Variants in SLC24A2 observed in about 807,000 individuals in gnomAD.
SLC24A2 encodes sodium/potassium/calcium exchanger 2.
A neutral mutation model predicts 62.0 loss-of-function variants in SLC24A2; 36 were observed. That is an observed-to-expected ratio of 0.58 (90% CI 0.44 to 0.77). The LOEUF is 0.77. Among genes scored for constraint, SLC24A2 ranks in the 30% least tolerant of loss-of-function variants. The pLI, the probability that SLC24A2 is intolerant of heterozygous loss-of-function variation, is 0.00. For synonymous variants in SLC24A2, 358 were observed against 294.0 expected (o/e 1.22, Z -2.23); for missense variants, 846 against 817.9 (o/e 1.03, Z -0.42).
chr9:19,963,479 G>T, the SLC24A2 span, among the ~76,000 whole-genome samples: 1 of 150,400 alleles, frequency 6.6e-6, no homozygotes, highest in Admixed American at 6.6e-5. Context: ...TCTGACAAAG[G>T]GCTAATATCC....
chr9:19,585,857 T>C (rs1836356366), intron 5 of SLC24A2, among the ~76,000 whole-genome samples: 1 of 152,200 alleles, frequency 6.6e-6, no homozygotes, highest in Non-Finnish European at 1.5e-5. Flanking sequence ...TCTTTAATAA[T>C]GTTCTATAAG....
the SLC24A2 span, among the ~76,000 whole-genome samples, chr9:20,091,681 G>A: frequency 4.6e-5 from 7 of 152,066 alleles, no homozygotes; most frequent in Non-Finnish European, 7.4e-5. Flanking sequence ...GTTACCACCC[G>A]GCCTGCCTTA....
the SLC24A2 span, among the ~76,000 whole-genome samples, chr9:20,082,728 T>C: frequency 3.3e-5 from 5 of 152,164 alleles, no homozygotes; most frequent in African/African-American, 1.2e-4. Context: ...TTCCCCATGG[T>C]GGGGGAGCAA....
chr9:19,788,243 T>C (rs1042096477), intron 1 of SLC24A2, among the ~76,000 whole-genome samples: 1 of 152,216 alleles, frequency 6.6e-6, no homozygotes, highest in East Asian at 1.9e-4. Context: ...GATTCCCAGG[T>C]GGCTGCGAAC....
At chr9:19,756,308 T>TA (rs1305624478) in intron 2 of SLC24A2, among the ~76,000 whole-genome samples, 4 of 152,240 alleles carry the variant, frequency 2.6e-5, no homozygotes, top group South Asian at 4.1e-4. Flanking sequence ...AGAGGAGTTT[T>TA]AAAAAAACTA....
the SLC24A2 span, among the ~76,000 whole-genome samples, chr9:20,166,554 G>T: frequency 6.6e-6 from 1 of 151,938 alleles, no homozygotes; most frequent in Non-Finnish European, 1.5e-5. Flanking sequence ...ATGTACAGGA[G>T]TATATATGGT....
At chr9:19,897,603 C>T in the SLC24A2 span, among the ~76,000 whole-genome samples, 1 of 152,084 alleles carries the variant, frequency 6.6e-6, no homozygotes, top group Non-Finnish European at 1.5e-5. Context: ...CATGTGTCCT[C>T]ATTATATTTG....
chr9:19,704,550 A>C (rs72687711), intron 2 of SLC24A2, among the ~76,000 whole-genome samples: 21,595 of 152,152 alleles, frequency 0.14, 2,428 homozygotes, highest in African/African-American at 0.32. Context: ...AATATAAATA[A>C]TAAAACTATA....
the SLC24A2 span, among the ~76,000 whole-genome samples, chr9:20,059,734 C>T: frequency 1.3e-5 from 2 of 151,930 alleles, no homozygotes; most frequent in African/African-American, 2.4e-5. Flanking sequence ...CCCTATTTTA[C>T]ACCTTAAAGA....
chr9:19,807,438 T>G, the SLC24A2 span, among the ~76,000 whole-genome samples: 1 of 152,196 alleles, frequency 6.6e-6, no homozygotes, highest in Non-Finnish European at 1.5e-5. Flanking sequence ...ACTGATATGT[T>G]AGAAGAAAAA....
At chr9:19,542,617 C>G (rs1030059094) in intron 8 of SLC24A2, among the ~76,000 whole-genome samples, 1 of 152,098 alleles carries the variant, frequency 6.6e-6, no homozygotes, top group Non-Finnish European at 1.5e-5. Context: ...CAATCAGTGC[C>G]TACTTTATTG....
chr9:20,270,194 T>C, the SLC24A2 span, among the ~76,000 whole-genome samples: 2 of 152,136 alleles, frequency 1.3e-5, no homozygotes, highest in Non-Finnish European at 2.9e-5. Flanking sequence ...TCCAACCCCA[T>C]GACCCAAACA....
intron 2 of SLC24A2, among the ~76,000 whole-genome samples, chr9:19,713,212 A>C (rs1820763508): frequency 6.6e-6 from 1 of 152,130 alleles, no homozygotes; most frequent in African/African-American, 2.4e-5. Context: ...TGCTTTATAA[A>C]TATTTATTGC....
intron 3 of SLC24A2, among the ~76,000 whole-genome samples, chr9:19,621,213 T>C (rs781082404): frequency 3.3e-5 from 5 of 152,226 alleles, no homozygotes; most frequent in Non-Finnish European, 7.3e-5. Flanking sequence ...AAAATATCAC[T>C]ATGAGATACC....
At chr9:20,003,774 T>C in the SLC24A2 span, among the ~76,000 whole-genome samples, 1 of 152,082 alleles carries the variant, frequency 6.6e-6, no homozygotes, top group African/African-American at 2.4e-5. Flanking sequence ...CCAATAAAAC[T>C]TTATTTATAA....
chr9:19,783,407 A>T (rs1564098800), intron 2 of SLC24A2, among the ~76,000 whole-genome samples: 1 of 152,222 alleles, frequency 6.6e-6, no homozygotes, highest in Admixed American at 6.5e-5. Flanking sequence ...ACTCCACTGA[A>T]GGCCGCATTT....
chr9:19,732,587 C>T (rs1359211485), intron 2 of SLC24A2, among the ~76,000 whole-genome samples: 2 of 152,170 alleles, frequency 1.3e-5, no homozygotes. Context: ...TATGCAATGT[C>T]TTAATGAGGC....
At chr9:20,074,693 G>C in the SLC24A2 span, among the ~76,000 whole-genome samples, 1 of 151,714 alleles carries the variant, frequency 6.6e-6, no homozygotes, top group African/African-American at 2.4e-5. Flanking sequence ...CTTTATTCAG[G>C]TCTCTTTCCG....
intron 8 of SLC24A2, among the ~76,000 whole-genome samples, chr9:19,547,705 C>T (rs1374198634): frequency 6.6e-6 from 1 of 151,562 alleles, no homozygotes; most frequent in Non-Finnish European, 1.5e-5. Flanking sequence ...AACCAATCTG[C>T]CCCCATCTTC....
Sources: gnomAD v4.1 joint callset for allele counts (sites outside exome capture counted in the v4.1 genomes callset) on GRCh38, gnomAD v4.1.1 for gene constraint, MANE v1.5 for transcripts, NCBI Gene and HGNC (gene_info 2026-07-23, HGNC 2026-07-21) for gene names.